CDH23: variants seen among roughly 807,000 people sequenced by gnomAD.
CDH23 encodes cadherin-23.
CDH23 carries 189 observed loss-of-function variants against 317.1 expected under a neutral mutation model. The ratio of observed to expected loss-of-function variants is 0.60; its 90% confidence interval spans 0.53 to 0.67. CDH23 has a LOEUF of 0.67. CDH23 is among the 30% of genes least tolerant of loss of function. The probability of loss-of-function intolerance (pLI) is 0.00; values close to 1 mark genes in which losing one functional copy is unlikely to be tolerated. For missense variants in CDH23, 4,401 were observed against 4,592.4 expected, an observed-to-expected ratio of 0.96 and a Z score of 1.20; for synonymous variants, 1,839 against 1,876.8, an observed-to-expected ratio of 0.98 and a Z score of 0.52.
chr10:71,503,668 C>CAG (rs1346143453), intron 3 of CDH23, among the ~76,000 whole-genome samples: 2 of 152,110 alleles, frequency 1.3e-5, no homozygotes, highest in African/African-American at 4.8e-5. Flanking sequence ...CAGATCCTTT[C>CAG]AGAGAGAGAG....
At chr10:71,753,771 A>T in intron 38 of CDH23, 1 of 456,444 alleles carries the variant, frequency 2.2e-6, no homozygotes, top group Non-Finnish European at 4.4e-6. Context: ...ATGGGGAAAC[A>T]GATGGTGGGG....
chr10:71,763,215 C>T (rs1425254625), intron 38 of CDH23, among the ~76,000 whole-genome samples: 1 of 152,126 alleles, frequency 6.6e-6, no homozygotes, highest in East Asian at 1.9e-4. Context: ...CCTCTGTTGC[C>T]CAGGCTGACC....
At chr10:71,430,378 CT>C (rs1379481561) in intron 1 of CDH23, among the ~76,000 whole-genome samples, 5 of 152,164 alleles carry the variant, frequency 3.3e-5, no homozygotes, top group Non-Finnish European at 5.9e-5. Context: ...GGGGGTATAA[CT>C]TGGTGCACCC....
At chr10:71,491,612 G>A (rs892063132) in intron 3 of CDH23, among the ~76,000 whole-genome samples, 1 of 152,176 alleles carries the variant, frequency 6.6e-6, no homozygotes, top group Non-Finnish European at 1.5e-5. Context: ...ACACAACTAG[G>A]AGTATCACAC....
chr10:71,529,399 G>A (rs1469051462), intron 6 of CDH23, among the ~76,000 whole-genome samples: 1 of 152,160 alleles, frequency 6.6e-6, no homozygotes, highest in Non-Finnish European at 1.5e-5. Flanking sequence ...GGAGGAGAGC[G>A]CTGGTGAGAT....
intron 34 of CDH23, among the ~76,000 whole-genome samples, chr10:71,737,317 A>G (rs12219299): frequency 0.02 from 3,118 of 152,302 alleles, 215 homozygotes; most frequent in East Asian, 0.19. Flanking sequence ...AACAGGTGTC[A>G]TTCTGATTTT....
chr10:71,546,856 C>T (rs1038709688), intron 6 of CDH23, among the ~76,000 whole-genome samples: 7 of 152,164 alleles, frequency 4.6e-5, no homozygotes, highest in Non-Finnish European at 1.0e-4. Context: ...AGTGTGCCTC[C>T]ACTTCCCAGC....
intron 41 of CDH23, 136 bp from the exon 42 acceptor site, chr10:71,784,151 T>A: frequency 2.5e-6 from 2 of 802,196 alleles, no homozygotes; most frequent in Middle Eastern, 2.8e-4. Context: ...GAAGCTGGGG[T>A]CACTGGAGGA....
intron 28 of CDH23, among the ~76,000 whole-genome samples, chr10:71,722,494 C>T (rs1162309813): frequency 6.6e-6 from 1 of 152,172 alleles, no homozygotes; most frequent in Non-Finnish European, 1.5e-5. Flanking sequence ...AGCTCTGCTC[C>T]TAAGTCGTTC....
At chr10:71,579,738 CA>C (rs1290899783) in intron 9 of CDH23, among the ~76,000 whole-genome samples, 2 of 152,150 alleles carry the variant, frequency 1.3e-5, no homozygotes, top group African/African-American at 4.8e-5. Flanking sequence ...TCTAGGTGGG[CA>C]GAGCAGAAGG....
chr10:71,787,381 A>G (rs1451329389), intron 44 of CDH23, among the ~76,000 whole-genome samples: 2 of 142,102 alleles, frequency 1.4e-5, no homozygotes, highest in East Asian at 2.0e-4. Flanking sequence ...TAACATGTCC[A>G]TATTGTGTAG....
chr10:71,570,546 C>T lies in CDH23; in HGVS notation c.625-244C>T, dbSNP rs736716. Among the ~76,000 whole-genome samples the T allele has an allele frequency of 0.1, 15,557 of 152,226 alleles. 966 individuals are homozygous for T. The highest frequency in any genetic ancestry group is 0.28 in the East Asian group (1,424 of 5,172). ...ACTGGATAAGCTGCCTTCCTCTGGA[C>T]CTTGGGGATGCTGTTTGTGTTTTCC... is the stretch of plus-strand genomic sequence containing the variant. On this transcript the variant is annotated intron_variant, in intron 7 of 69. Transcript: ENST00000224721.
intron 38 of CDH23, among the ~76,000 whole-genome samples, chr10:71,754,178 T>A (rs1840074661): frequency 1.3e-5 from 2 of 152,026 alleles, no homozygotes; most frequent in Non-Finnish European, 2.9e-5. Context: ...TGCTCTTCTG[T>A]TCCAAGCCCT....
chr10:71,777,857 G>T lies in CDH23; in HGVS notation c.5023G>T (p.Val1675Phe). The T allele has an allele frequency of 6.2e-7, 1 of 1,613,730 alleles. No homozygotes were observed. Among genetic ancestry groups the T allele is most frequent in the Non-Finnish European group, 8.5e-7 (1 of 1,179,844 alleles). ...GPNGTVTYAI[V>F]AGNIVNTFRI... ...CAACGGCACAGTCACCTATGCCATC[G>T]TCGCAGGCAACATCGTCAACACCTT... The change falls in exon 39 of 70, where the codon GTC (valine) becomes TTC (phenylalanine). Residue 1675 changes from valine (V) to phenylalanine (F), a missense_variant. This residue lies in a region of CDH23 where 3,068 missense variants were observed against 3,203.3 expected (regional missense o/e 0.96). Coordinates refer to ENST00000224721, the MANE Select transcript of CDH23 (RefSeq NM_022124.6).
rs149663172 is a variant in CDH23 at position 71,401,912 on chromosome 10, A to T, written c.-6+4594A>T. 4.0e-3 allele frequency among the ~76,000 whole-genome samples: 603 copies of T among 152,342 alleles called. 18 individuals are homozygous for T. The highest frequency in any genetic ancestry group is 1.5e-3 in the East Asian group (8 of 5,192). ...ACATTTATAGGCCATGTTTATTTGG[A>T]TTCAACATGAAAATGGCTTTATTGA... On this transcript the variant is annotated intron_variant, in intron 1 of 69. Coordinates refer to ENST00000224721, the MANE Select transcript of CDH23 (RefSeq NM_022124.6).
intron 45 of CDH23, among the ~76,000 whole-genome samples, chr10:71,789,615 C>G (rs770723173): frequency 6.6e-6 from 1 of 152,214 alleles, no homozygotes; most frequent in Non-Finnish European, 1.5e-5. Context: ...GGGCATCCCC[C>G]CTAGGTGAAT....
intron 30 of CDH23, among the ~76,000 whole-genome samples, chr10:71,727,532 G>A (rs1310253212): frequency 6.6e-6 from 1 of 152,182 alleles, no homozygotes; most frequent in Non-Finnish European, 1.5e-5. Flanking sequence ...GGGGAGAGAC[G>A]GCTTGCAGGA....
At chr10:71,783,508 C>T (rs1431527150) in intron 41 of CDH23, among the ~76,000 whole-genome samples, 1 of 152,188 alleles carries the variant, frequency 6.6e-6, no homozygotes, top group East Asian at 1.9e-4. Context: ...CTCCAAAGGA[C>T]ACAAGGGACT....
chr10:71,737,388 T>C (rs1027391657), intron 34 of CDH23, among the ~76,000 whole-genome samples: 1 of 152,230 alleles, frequency 6.6e-6, no homozygotes, highest in African/African-American at 2.4e-5. Context: ...GTGCAGCTCA[T>C]AAGTGGTTGG....
Sources: gnomAD v4.1 joint callset for allele counts (sites outside exome capture counted in the v4.1 genomes callset) on GRCh38, gnomAD v4.1.1 for gene constraint, gnomAD v4.1.1 regional missense constraint, MANE v1.5 for transcripts, NCBI Gene and HGNC (gene_info 2026-07-23, HGNC 2026-07-21) for gene names.